The following FUBP3 variants were observed in gnomAD, a reference collection of about 807,000 sequenced individuals.
FUBP3 encodes far upstream element binding protein 3, also known as far upstream element-binding protein 3.
Under a neutral mutation model 85.6 loss-of-function variants are expected in FUBP3, and 28 were observed. The observed-to-expected ratio is 0.33, with a 90% CI of 0.24 to 0.45. FUBP3 has a LOEUF of 0.45. Among genes scored for constraint, FUBP3 ranks in the 20% least tolerant of loss-of-function variants. The probability of loss-of-function intolerance (pLI) is 1.00; values close to 1 mark genes in which losing one functional copy is unlikely to be tolerated. For missense variants in FUBP3, 583 were observed against 755.1 expected (o/e 0.77, Z 2.67); for synonymous variants, 271 against 271.4 (o/e 1.00, Z 0.01).
At chr9:130,606,596 G>T (rs951185205) in intron 2 of FUBP3, among the ~76,000 whole-genome samples, 1 of 152,280 alleles carries the variant, frequency 6.6e-6, no homozygotes, top group South Asian at 2.1e-4. Flanking sequence ...TAAAGTGGGC[G>T]GATCACCTGA....
intron 1 of FUBP3, among the ~76,000 whole-genome samples, chr9:130,589,210 T>C (rs1830477592): frequency 6.6e-6 from 1 of 152,172 alleles, no homozygotes. Context: ...ATTTTAGTCT[T>C]GAAAATGTGT....
intron 2 of FUBP3, among the ~76,000 whole-genome samples, chr9:130,602,238 G>A (rs1831192677): frequency 6.6e-6 from 1 of 152,126 alleles, no homozygotes; most frequent in Admixed American, 6.5e-5. Flanking sequence ...CCACCTACCA[G>A]GGGTCTTGGA....
intron 2 of FUBP3, among the ~76,000 whole-genome samples, chr9:130,604,665 A>G (rs2119052539): frequency 6.6e-6 from 1 of 152,346 alleles, no homozygotes; most frequent in South Asian, 2.1e-4. Flanking sequence ...TGGGAGGCCA[A>G]GGCAGACAGA....
At chr9:130,604,912 A>G (rs944473409) in intron 2 of FUBP3, among the ~76,000 whole-genome samples, 10 of 151,326 alleles carry the variant, frequency 6.6e-5, no homozygotes, top group Admixed American at 2.0e-4. Context: ...AAAAAAAAAA[A>G]AAAGAAAGAA....
At chr9:130,594,063 G>A (rs1177213077) in intron 1 of FUBP3, among the ~76,000 whole-genome samples, 1 of 152,124 alleles carries the variant, frequency 6.6e-6, no homozygotes, top group African/African-American at 2.4e-5. Flanking sequence ...ACAAGCTTAT[G>A]TTACATCTCT....
chr9:130,610,794 CG>C (rs1424451044), intron 3 of FUBP3, among the ~76,000 whole-genome samples: 1 of 152,056 alleles, frequency 6.6e-6, no homozygotes, highest in Non-Finnish European at 1.5e-5. Context: ...TAGAAATCAC[CG>C]GTCATCAGTT....
At chr9:130,602,207 C>T (rs1328218543) in intron 2 of FUBP3, among the ~76,000 whole-genome samples, 5 of 152,226 alleles carry the variant, frequency 3.3e-5, no homozygotes, top group Admixed American at 6.5e-5. Flanking sequence ...ATACAGGGTT[C>T]GGTACTCTCC....
chr9:130,621,322 A>G (rs1339398717), intron 9 of FUBP3, among the ~76,000 whole-genome samples: 1 of 152,004 alleles, frequency 6.6e-6, no homozygotes, highest in African/African-American at 2.4e-5. Flanking sequence ...CACCTCTACC[A>G]AAACAAAAAA....
chr9:130,634,789 G>A (rs1450302748), intron 17 of FUBP3, 51 bp downstream of exon 17: 1 of 1,374,904 alleles, frequency 7.3e-7, no homozygotes, highest in Non-Finnish European at 1.0e-6. Flanking sequence ...CTCCAGCCCA[G>A]AGACTTCAGA....
At chr9:130,627,635 G>A (rs1259491165) in intron 12 of FUBP3, among the ~76,000 whole-genome samples, 1 of 152,210 alleles carries the variant, frequency 6.6e-6, no homozygotes, top group Non-Finnish European at 1.5e-5. Flanking sequence ...TCATTTGCCG[G>A]CAGGTGTGCG....
At position 130,612,444 on chromosome 9, in the gene FUBP3, C is replaced by T. The variant is rs748651183; in HGVS notation, c.225-12C>T. Reference sequence around the variant, plus strand: ...ATTCTGTATTTTTTTCCAAAATGTTCTTTGTTTTTAGGACGGTAATAACGG... The same window carrying T: ...ATTCTGTATTTTTTTCCAAAATGTTTTTTGTTTTTAGGACGGTAATAACGG... On this transcript the variant is annotated splice_polypyrimidine_tract_variant and intron_variant, in intron 3 of 18. Transcript: ENST00000319725. The surrounding 1 kb of genome is among the most constrained non-coding windows in gnomAD (Gnocchi z 4.1). 1.5e-5 allele frequency: 23 copies of T among 1,575,212 alleles called. No individual in the cohort carries two copies. The highest frequency in any genetic ancestry group is 2.0e-5 in the Non-Finnish European group (23 of 1,147,834).
chr9:130,608,375 C>G (rs930157926), intron 2 of FUBP3, among the ~76,000 whole-genome samples: 2 of 152,160 alleles, frequency 1.3e-5, no homozygotes, highest in Non-Finnish European at 2.9e-5. Context: ...TAAATAGGAA[C>G]AGCTAACCAA....
intron 18 of FUBP3, among the ~76,000 whole-genome samples, 181 bp from the exon 19 acceptor site, chr9:130,636,833 G>C (rs145186166): frequency 6.6e-6 from 1 of 152,108 alleles, no homozygotes; most frequent in Admixed American, 6.5e-5. Context: ...GAGGAGAAGC[G>C]TGGCTCCCAC....
intron 14 of FUBP3, 55 bp from the exon 15 acceptor site, chr9:130,631,887 G>A: frequency 1.5e-6 from 2 of 1,315,920 alleles, no homozygotes; most frequent in Non-Finnish European, 2.2e-6. Flanking sequence ...GCGGGGAGGG[G>A]ACGAGCCCTC....
intron 8 of FUBP3, among the ~76,000 whole-genome samples, chr9:130,619,364 T>C (rs1241615033): frequency 6.6e-6 from 1 of 151,860 alleles, no homozygotes; most frequent in Non-Finnish European, 1.5e-5. Context: ...CCTATGTATC[T>C]CTTCAACCTG....
rs1420309396 is a variant in FUBP3, at chr9:130,616,365, C to T, written c.415C>T (p.Arg139Trp). 5.6e-6 allele frequency: 9 copies of T among 1,613,902 alleles called. No individual in the cohort carries two copies. The highest frequency in any genetic ancestry group is 4.0e-5 in the African/African-American group (3 of 74,900). The change falls in exon 7 of 19, where the codon CGG (arginine) becomes TGG (tryptophan). Residue 139 changes from arginine (R) to tryptophan (W), a missense_variant. By Grantham distance (101) the Arg-to-Trp change is moderately radical. Transcript: ENST00000319725. This position sits in a 1 kb window ranked among gnomAD's most constrained non-coding sequence, Gnocchi z 4.7. ...GTPESIEQAKRLLGQIVDRCR... is the reference protein window; with the variant it reads ...GTPESIEQAKWLLGQIVDRCR... Reference sequence around the variant, plus strand: ...TTTTCCCTCCCAAAGACAAGCCAAACGGCTCCTGGGACAGATTGTGGACCG... The same window carrying T: ...TTTTCCCTCCCAAAGACAAGCCAAATGGCTCCTGGGACAGATTGTGGACCG...
chr9:130,592,968 T>A (rs1830703480), intron 1 of FUBP3, among the ~76,000 whole-genome samples: 1 of 152,166 alleles, frequency 6.6e-6, no homozygotes, highest in Non-Finnish European at 1.5e-5. Flanking sequence ...CAGTGTGAAC[T>A]ACCCACCTTT....
chr9:130,626,316 GGT>G (rs1202825963), intron 11 of FUBP3, 46 bp from the exon 12 acceptor site: 25 of 1,576,254 alleles, frequency 1.6e-5, no homozygotes, highest in Non-Finnish European at 2.1e-5. Flanking sequence ...GAGGAGCAGT[GGT>G]GCTGTGGCAG....
chr9:130,636,433 C>G (rs970072744), intron 18 of FUBP3, among the ~76,000 whole-genome samples: 2 of 152,268 alleles, frequency 1.3e-5, no homozygotes, highest in African/African-American at 4.8e-5. Context: ...CTCTCTTCCT[C>G]TAAGCCTCAG....
Sources: allele counts gnomAD v4.1 joint callset (sites outside exome capture counted in the v4.1 genomes callset), GRCh38; gene constraint gnomAD v4.1.1; non-coding constraint Gnocchi (gnomAD v3.1); transcripts MANE v1.5; gene names NCBI Gene and HGNC (gene_info 2026-07-23, HGNC 2026-07-21).